The following RBM33 variants were observed in gnomAD, a reference collection of about 807,000 sequenced individuals.
RBM33 encodes RNA binding motif protein 33.
RBM33 carries 28 observed loss-of-function variants against 132.6 expected under a neutral mutation model. The ratio of observed to expected loss-of-function variants is 0.21; its 90% CI spans 0.16 to 0.29. The LOEUF is 0.29. RBM33 is among the 10% of genes least tolerant of loss of function. The pLI is 1.00. For synonymous variants in RBM33, 634 were observed against 593.0 expected, an observed-to-expected ratio of 1.07 and a Z score of -1.01; for missense variants, 1,291 against 1,518.5, an observed-to-expected ratio of 0.85 and a Z score of 2.49.
At chr7:155,703,159 T>G (rs1354913106) in intron 6 of RBM33, among the ~76,000 whole-genome samples, 1 of 152,244 alleles carries the variant, frequency 6.6e-6, no homozygotes, top group Non-Finnish European at 1.5e-5. Flanking sequence ...TAGTGTCTGT[T>G]TCAGTCCTGC....
chr7:155,696,766 G>A (rs1799804940), intron 5 of RBM33, among the ~76,000 whole-genome samples: 1 of 151,952 alleles, frequency 6.6e-6, no homozygotes. Flanking sequence ...CCTCTCACTG[G>A]TCTAGGACCC....
rs188111882 is a variant in RBM33 at position 155,761,935 on chromosome 7, G to A, written c.2980-1877G>A. On this transcript the variant is annotated intron_variant, in intron 14 of 17. Coordinates refer to ENST00000401878, the MANE Select transcript of RBM33 (RefSeq NM_053043.3). Reference sequence around the variant, plus strand: ...TAAGTTGCAGCCCCTGAATTTTGATGTGTTGTATTTTTGTTTCCATTCAGT... The same window carrying A: ...TAAGTTGCAGCCCCTGAATTTTGATATGTTGTATTTTTGTTTCCATTCAGT... Among the ~76,000 whole-genome samples, 6 of 152,298 alleles carry A rather than the reference G, an allele frequency of 3.9e-5. No homozygotes were observed. The East Asian group carries it at 1.2e-3, about 29-fold the overall frequency.
rs926828716 is a variant in RBM33 at position 155,736,754 on chromosome 7, C to G, written c.1261-776C>G. 1.3e-5 allele frequency among the ~76,000 whole-genome samples: 2 copies of G among 152,152 alleles called. 1 individual carries two copies. The highest frequency in any genetic ancestry group is 1.3e-4 in the Admixed American group (2 of 15,280). ...AGCTTCATAGCTGCAGCTTACAGTCCTGTTAAATAGCAAAGATGAGCATCT... is the reference window on the plus strand; with the variant it reads ...AGCTTCATAGCTGCAGCTTACAGTCGTGTTAAATAGCAAAGATGAGCATCT... On this transcript the variant is annotated intron_variant, in intron 9 of 17. Coordinates refer to ENST00000401878, the MANE Select transcript of RBM33 (RefSeq NM_053043.3).
intron 1 of RBM33, among the ~76,000 whole-genome samples, chr7:155,651,632 T>C (rs950572052): frequency 4.2e-5 from 6 of 144,046 alleles, no homozygotes; most frequent in Non-Finnish European, 9.1e-5. Context: ...AAGAAATGAG[T>C]GTCAGTTCCT....
intron 14 of RBM33, among the ~76,000 whole-genome samples, chr7:155,748,228 C>G (rs1289650601): frequency 1.3e-5 from 2 of 152,200 alleles, no homozygotes; most frequent in Non-Finnish European, 2.9e-5. Context: ...CCCATTTTTT[C>G]TAACCTATAC....
chr7:155,746,344 T>A (rs1326278118), intron 14 of RBM33: 1 of 152,064 alleles, frequency 6.6e-6, no homozygotes, highest in African/African-American at 2.4e-5. Context: ...GACTACTGCT[T>A]GTTTTCTGTT....
chr7:155,674,756 G>A (rs1335321587), intron 3 of RBM33, among the ~76,000 whole-genome samples: 2 of 152,194 alleles, frequency 1.3e-5, no homozygotes, highest in Non-Finnish European at 2.9e-5. Context: ...CATGCCCAGT[G>A]ACAGTGCATT....
rs188271807 is a variant in RBM33, at chr7:155,734,459, T to C, written c.1261-3071T>C. On this transcript the variant is annotated intron_variant, in intron 9 of 17. Coordinates refer to ENST00000401878, the MANE Select transcript of RBM33 (RefSeq NM_053043.3). ...TTTTTCATAGTTTCCAGAGGTGTTA[T>C]TAATTTTGTATTTGTAAGCTAAAAT... is the stretch of plus-strand genomic sequence containing the variant. Among the ~76,000 whole-genome samples the C allele has an allele frequency of 1.5e-3, 231 of 152,340 alleles. 2 individuals carry two copies. The Middle Eastern group carries it at 0.027, about 18-fold the overall frequency.
chr7:155,658,384 A>ATTTTT (rs71303950), intron 1 of RBM33, among the ~76,000 whole-genome samples: 2 of 122,876 alleles, frequency 1.6e-5, no homozygotes, highest in Non-Finnish European at 3.4e-5. Flanking sequence ...ATATAGTTGG[A>ATTTTT]TTTTTTTTTT....
chr7:155,772,187 G>C (rs578198783), intron 16 of RBM33, among the ~76,000 whole-genome samples: 1 of 139,730 alleles, frequency 7.2e-6, no homozygotes, highest in Middle Eastern at 3.8e-3. Context: ...CAGGATCCTG[G>C]AGCACTGAGC....
At position 155,745,004 on chromosome 7, in the gene RBM33, T is replaced by C. The variant is rs1184746974; in HGVS notation, c.2381T>C (p.Ile794Thr). The change falls in exon 14 of 18, where the codon ATA becomes ACA. Residue 794 changes from isoleucine to threonine, a missense_variant. By Grantham distance (89) the Ile-to-Thr change is moderately conservative. Coordinates refer to ENST00000401878, the MANE Select transcript of RBM33 (RefSeq NM_053043.3). This position sits in a 1 kb window ranked among gnomAD's most constrained non-coding sequence, Gnocchi z 4.1. ...GAAACAAGGTTATATCGCTTAAAGA[T>C]AGAAGAACAGAAACGCCTAAGAGAA... ...DEETRLYRLK[I>T]EEQKRLREEI... The C allele has an allele frequency of 2.5e-6, 4 of 1,602,058 alleles. No individual in the cohort carries two copies. The African/African-American group carries it at 4.1e-5, about 16-fold the overall frequency.
At position 155,661,130 on chromosome 7, in the gene RBM33, GTA is replaced by G. The variant is rs1186560711; in HGVS notation, c.44-4029_44-4028del. On this transcript the variant is annotated intron_variant, in intron 1 of 17. Coordinates refer to ENST00000401878, the MANE Select transcript of RBM33 (RefSeq NM_053043.3). The stretch of plus-strand genomic sequence containing the variant: ...TGTGTGTGTGTGTGTGTGTGTGTGT[GTA>G]TATATATATATATATTTTTTTTTTT... Among the ~76,000 whole-genome samples, 255 of 85,710 alleles carry G rather than the reference GTA, an allele frequency of 3.0e-3. 7 individuals are homozygous for G. The highest frequency in any genetic ancestry group is 9.8e-3 in the Middle Eastern group (1 of 102). The allele number at this position is 85,710 out of a possible 152,430, so 56.2% of individuals were successfully genotyped here.
At chr7:155,684,874 TA>T (rs566968707) in intron 5 of RBM33, 11 of 1,511,168 alleles carry the variant, frequency 7.3e-6, no homozygotes, top group East Asian at 4.9e-5. Flanking sequence ...GAAAAGTACG[TA>T]AAAAAACCAC....
intron 9 of RBM33, among the ~76,000 whole-genome samples, chr7:155,721,260 C>T (rs1040445646): frequency 2.6e-5 from 4 of 151,996 alleles, no homozygotes; most frequent in African/African-American, 4.8e-5. Context: ...ATCCTGTGCT[C>T]GGTGGTGCAC....
chr7:155,762,724 C>T (rs1201826453), intron 14 of RBM33, among the ~76,000 whole-genome samples: 3 of 152,136 alleles, frequency 2.0e-5, no homozygotes, highest in Non-Finnish European at 1.5e-5. Flanking sequence ...ATGTGGGCTG[C>T]TTCTGAGCTG....
chr7:155,670,568 A>AGG (rs1404503440), intron 2 of RBM33, among the ~76,000 whole-genome samples: 1 of 152,184 alleles, frequency 6.6e-6, no homozygotes, highest in Non-Finnish European at 1.5e-5. Context: ...ACCACTTCCT[A>AGG]GCTGGATGAC....
chr7:155,696,440 G>A (rs979256068), intron 5 of RBM33, among the ~76,000 whole-genome samples: 5 of 151,900 alleles, frequency 3.3e-5, no homozygotes, highest in African/African-American at 7.3e-5. Flanking sequence ...ATTGACCTCC[G>A]GTACTCTGTG....
intron 16 of RBM33, among the ~76,000 whole-genome samples, chr7:155,773,553 G>A (rs2117086550): frequency 7.7e-6 from 1 of 129,288 alleles, no homozygotes; most frequent in East Asian, 2.2e-4. Context: ...AGGCAACAGT[G>A]CGAGACTCCA....
Position 155,678,699 on chromosome 7 carries a change from C to T in RBM33, c.248+15C>T, listed in dbSNP as rs1327568075. 1 of 1,315,342 alleles carries T rather than the reference C, an allele frequency of 7.6e-7. No individual in the cohort carries two copies. Among genetic ancestry groups the T allele is most frequent in the South Asian group, 1.3e-5 (1 of 77,128 alleles). The allele number at this position is 1,315,342 out of a possible 1,614,324, so 81.5% of individuals were successfully genotyped here. Reference sequence around the variant, plus strand: ...GAAAATTTCAGGTACTCAATATTACCTCATTATAAATGTTCTTTATTTAAC... The same window carrying T: ...GAAAATTTCAGGTACTCAATATTACTTCATTATAAATGTTCTTTATTTAAC... On this transcript the variant is annotated intron_variant, in intron 4 of 17. Transcript: ENST00000401878.
Sources: allele counts gnomAD v4.1 joint callset (sites outside exome capture counted in the v4.1 genomes callset), GRCh38; gene constraint gnomAD v4.1.1; non-coding constraint Gnocchi (gnomAD v3.1); transcripts MANE v1.5; gene names NCBI Gene and HGNC (gene_info 2026-07-23, HGNC 2026-07-21).